Variants in MIOS observed in about 807,000 individuals in gnomAD.
The protein encoded by MIOS is GATOR2 complex protein MIOS.
MIOS carries 52 observed loss-of-function variants against 96.9 expected under a neutral mutation model. The observed-to-expected ratio is 0.54, with a 90% CI of 0.43 to 0.68. MIOS has a LOEUF of 0.68. MIOS is among the 30% of genes least tolerant of loss of function. MIOS has a pLI of 0.00. For synonymous variants in MIOS, 397 were observed against 359.5 expected (o/e 1.10, Z -1.18); for missense variants, 1,005 against 1,052.8 (o/e 0.95, Z 0.63).
intron 5 of MIOS, among the ~76,000 whole-genome samples, chr7:7,582,346 T>C (rs1185134097): frequency 1.3e-5 from 2 of 152,202 alleles, no homozygotes; most frequent in Non-Finnish European, 2.9e-5. Flanking sequence ...GAATTTGTTA[T>C]TATAGTTCTT....
In MIOS at chr7:7,571,991, T is replaced by C. The variant is rs371086655; in HGVS notation, c.-40-445T>C. The stretch of plus-strand genomic sequence containing the variant: ...CTAGTGGCTACCATATTGGACAGCA[T>C]GAACATGAAACATTTCTGTCATTGC... On this transcript the variant is annotated intron_variant, in intron 3 of 12. Transcript: ENST00000340080. 9.5e-4 allele frequency among the ~76,000 whole-genome samples: 145 copies of C among 152,356 alleles called. 2 individuals carry two copies. In the South Asian group the frequency reaches 0.023, roughly 24 times the overall value.
chr7:7,598,239 CTG>C (rs1337477559), intron 11 of MIOS, among the ~76,000 whole-genome samples: 1 of 152,214 alleles, frequency 6.6e-6, no homozygotes, highest in Non-Finnish European at 1.5e-5. Context: ...GTCTGTGACA[CTG>C]AGAGTTACTT....
At chr7:7,604,954 C>A (rs1583663073) in intron 11 of MIOS, among the ~76,000 whole-genome samples, 1 of 152,046 alleles carries the variant, frequency 6.6e-6, no homozygotes, top group East Asian at 1.9e-4. Flanking sequence ...TGTTGGTGAC[C>A]CTTTCAGGAG....
chr7:7,589,332 C>A (rs907241255), intron 8 of MIOS, 73 bp from the exon 9 acceptor site: 4 of 1,330,778 alleles, frequency 3.0e-6, no homozygotes, highest in Middle Eastern at 2.0e-4. Context: ...TGAAATTGTT[C>A]AAAATGTAGT....
intron 8 of MIOS, 37 bp from the exon 9 acceptor site, chr7:7,589,368 A>G (rs753958806): frequency 3.1e-6 from 5 of 1,593,456 alleles, no homozygotes; most frequent in Non-Finnish European, 4.3e-6. Flanking sequence ...ACATAGTGAA[A>G]CAGATTGCTT....
At chr7:7,606,852 G>A (rs1784545145) in intron 12 of MIOS, 144 bp from the exon 13 acceptor site, 1 of 614,180 alleles carries the variant, frequency 1.6e-6, no homozygotes, top group Admixed American at 3.1e-5. Flanking sequence ...TCAGGAGGCT[G>A]AGGCAGGAGG....
intron 9 of MIOS, 60 bp downstream of exon 9, chr7:7,589,623 C>A (rs1426918130): frequency 6.6e-7 from 1 of 1,524,596 alleles, no homozygotes; most frequent in South Asian, 1.3e-5. Flanking sequence ...TTTCTTTCCT[C>A]AGTTGAAAGT....
chr7:7,601,557 A>C (rs138185265), intron 11 of MIOS, among the ~76,000 whole-genome samples: 2,755 of 152,102 alleles, frequency 0.018, 84 homozygotes, highest in African/African-American at 0.063. Context: ...CAATAACAGG[A>C]TCTGAAATTG....
At chr7:7,601,277 G>A (rs1784370482) in intron 11 of MIOS, among the ~76,000 whole-genome samples, 1 of 151,382 alleles carries the variant, frequency 6.6e-6, no homozygotes, top group African/African-American at 2.4e-5. Context: ...ATGAATCCAG[G>A]AGCTGGTTTT....
intron 6 of MIOS, among the ~76,000 whole-genome samples, chr7:7,583,766 G>A (rs1483451879): frequency 6.6e-6 from 1 of 151,982 alleles, no homozygotes; most frequent in Non-Finnish European, 1.5e-5. Context: ...TACTTTCTTT[G>A]GGATGGTTAT....
chr7:7,581,545 G>A (rs1338189874), intron 5 of MIOS, among the ~76,000 whole-genome samples: 2 of 152,120 alleles, frequency 1.3e-5, no homozygotes, highest in Non-Finnish European at 2.9e-5. Context: ...TAACCAGAAG[G>A]TATCAGCCAA....
intron 5 of MIOS, among the ~76,000 whole-genome samples, chr7:7,578,503 AAAAC>A (rs1409037187): frequency 8.5e-5 from 13 of 152,148 alleles, no homozygotes; most frequent in Admixed American, 7.2e-4. Flanking sequence ...CTTTTTCTTT[AAAAC>A]AAACAAACAA....
At chr7:7,586,950 TTTAAG>T (rs1362477557) in intron 7 of MIOS, among the ~76,000 whole-genome samples, 7 of 151,944 alleles carry the variant, frequency 4.6e-5, no homozygotes, top group African/African-American at 1.4e-4. Flanking sequence ...ATTTCTGCAT[TTTAAG>T]TTAAGTGACC....
chr7:7,597,515 T>A (rs4725003), intron 11 of MIOS, among the ~76,000 whole-genome samples: 3,662 of 9,414 alleles, frequency 0.39, 1,097 homozygotes, highest in South Asian at 0.54. Context: ...TATATATATA[T>A]ATGAAGGCAA....
chr7:7,589,564 GT>G lies in MIOS; in HGVS notation c.2043+2del, dbSNP rs1244797699. Reference sequence around the variant, plus strand: ...AACAGCAAGTTACTGTATGTTACAGGTCAGTGCAGTTTGACAGCAGCTTTTA... The same window carrying G: ...AACAGCAAGTTACTGTATGTTACAGGCAGTGCAGTTTGACAGCAGCTTTTA... On this transcript the variant is annotated splice_donor_variant, in intron 9 of 12. Coordinates refer to ENST00000340080, the MANE Select transcript of MIOS (RefSeq NM_019005.4). LOFTEE classifies it high-confidence loss of function. The G allele has an allele frequency of 6.3e-7, 1 of 1,591,628 alleles. No homozygotes were observed. Among genetic ancestry groups the G allele is most frequent in the Non-Finnish European group, 8.6e-7 (1 of 1,168,086 alleles).
At chr7:7,606,288 A>C (rs1784529152) in intron 12 of MIOS, among the ~76,000 whole-genome samples, 1 of 152,184 alleles carries the variant, frequency 6.6e-6, no homozygotes, top group Admixed American at 6.5e-5. Flanking sequence ...AACTAATTTA[A>C]ATGTTTTGTA....
intron 11 of MIOS, 52 bp from the exon 12 acceptor site, chr7:7,605,884 GTAACTT>G (rs1784516305): frequency 6.7e-7 from 1 of 1,487,418 alleles, no homozygotes; most frequent in African/African-American, 1.4e-5. Context: ...CTTTTTGAAA[GTAACTT>G]TAAATAAAAT....
chr7:7,579,710 A>G (rs1474720916), intron 5 of MIOS, among the ~76,000 whole-genome samples: 1 of 152,184 alleles, frequency 6.6e-6, no homozygotes, highest in Non-Finnish European at 1.5e-5. Context: ...AAAGTTTACA[A>G]ATTTGTGTTG....
chr7:7,577,517 C>T (rs1044441410), intron 5 of MIOS, among the ~76,000 whole-genome samples: 2 of 152,156 alleles, frequency 1.3e-5, no homozygotes, highest in African/African-American at 4.8e-5. Flanking sequence ...CTGTTTTCAA[C>T]ATGGGATTAA....
Sources: gnomAD v4.1 joint callset for allele counts (sites outside exome capture counted in the v4.1 genomes callset) on GRCh38, gnomAD v4.1.1 for gene constraint, MANE v1.5 for transcripts, NCBI Gene and HGNC (gene_info 2026-07-23, HGNC 2026-07-21) for gene names.